The following COBL variants were observed in gnomAD, a reference collection of about 807,000 sequenced individuals.
COBL encodes the protein cordon-bleu WH2 repeat protein, also known as protein cordon-bleu.
In COBL, 51 loss-of-function variants were observed where a neutral mutation model predicts 98.8. The ratio of observed to expected loss-of-function variants is 0.52; its 90% CI spans 0.41 to 0.65. The LOEUF (loss-of-function observed/expected upper bound fraction) is 0.65. Among genes scored for constraint, COBL ranks in the 30% least tolerant of loss-of-function variants. The pLI is 0.00. For missense variants in COBL, 1,617 were observed against 1,617.5 expected (o/e 1.00, Z 0.01); for synonymous variants, 634 against 651.7 (o/e 0.97, Z 0.41).
At chr7:51,307,559 T>A (rs1337600212) in intron 1 of COBL, among the ~76,000 whole-genome samples, 1 of 152,144 alleles carries the variant, frequency 6.6e-6, no homozygotes, top group Non-Finnish European at 1.5e-5. Flanking sequence ...ATTTTTTGGG[T>A]CCTCCTTTAG....
At chr7:51,241,553 G>A (rs1795795953) in intron 1 of COBL, among the ~76,000 whole-genome samples, 1 of 152,170 alleles carries the variant, frequency 6.6e-6, no homozygotes, top group African/African-American at 2.4e-5. Context: ...TCCTGCTCCA[G>A]AGGAAGAGAA....
At chr7:51,041,984 C>A (rs1217191169) in intron 8 of COBL, among the ~76,000 whole-genome samples, 1 of 152,140 alleles carries the variant, frequency 6.6e-6, no homozygotes, top group African/African-American at 2.4e-5. Context: ...TGGAACAGAA[C>A]AACGTGCACA....
intron 1 of COBL, among the ~76,000 whole-genome samples, chr7:51,291,070 C>A (rs1410338734): frequency 1.3e-5 from 2 of 152,210 alleles, no homozygotes; most frequent in African/African-American, 2.4e-5. Flanking sequence ...GAACGGCTAG[C>A]TGCATGGAGC....
Position 51,083,349 on chromosome 7 carries a change from C to T in COBL, c.1096+1817G>A, listed in dbSNP as rs1793869161. The T allele has an allele frequency of 3.3e-5, 22 of 667,304 alleles. No individual in the cohort carries two copies. In the South Asian group the frequency reaches 4.5e-4, roughly 14 times the overall value. 41.3% of individuals were successfully genotyped at this position (667,304 alleles called of 1,614,324 possible). ...ACACTCAACACCAGATCCAGCCACA[C>T]CTAACACCAGATCCAGTCATATCCA... On this transcript the variant is annotated intron_variant, in intron 7 of 12. Coordinates refer to ENST00000265136, the MANE Select transcript of COBL (RefSeq NM_015198.5).
At chr7:51,272,988 A>C (rs545329442) in intron 1 of COBL, among the ~76,000 whole-genome samples, 11 of 150,218 alleles carry the variant, frequency 7.3e-5, no homozygotes, top group South Asian at 4.2e-4. Flanking sequence ...ACAACAACAA[A>C]AACATCCTTC....
intron 6 of COBL, among the ~76,000 whole-genome samples, chr7:51,128,036 A>T (rs1798389127): frequency 6.6e-6 from 1 of 152,216 alleles, no homozygotes; most frequent in Non-Finnish European, 1.5e-5. Flanking sequence ...TGTGTATATG[A>T]TCTGAAGTAT....
chr7:51,053,403 G>A (rs1046098431), intron 7 of COBL, among the ~76,000 whole-genome samples: 8 of 152,154 alleles, frequency 5.3e-5, no homozygotes, highest in African/African-American at 9.7e-5. Flanking sequence ...GGCTGACCCC[G>A]TTCAAATGGG....
chr7:51,242,301 C>T (rs1795861893), intron 1 of COBL, among the ~76,000 whole-genome samples: 1 of 152,214 alleles, frequency 6.6e-6, no homozygotes, highest in Non-Finnish European at 1.5e-5. Context: ...ATTTAAACCC[C>T]AGAAAATTCT....
At chr7:51,269,024 C>A (rs1798501265) in intron 1 of COBL, among the ~76,000 whole-genome samples, 1 of 151,902 alleles carries the variant, frequency 6.6e-6, no homozygotes, top group African/African-American at 2.4e-5. Context: ...GAGTGCACCC[C>A]AGGGAAGCGA....
chr7:51,116,939 T>A (rs993660360), intron 6 of COBL, among the ~76,000 whole-genome samples: 1 of 152,100 alleles, frequency 6.6e-6, no homozygotes, highest in African/African-American at 2.4e-5. Context: ...TTTATATATA[T>A]ATTTTTAATA....
intron 7 of COBL, among the ~76,000 whole-genome samples, chr7:51,054,707 C>T (rs1790565833): frequency 6.6e-6 from 1 of 152,170 alleles, no homozygotes; most frequent in Middle Eastern, 3.2e-3. Context: ...CTCTCCCTCA[C>T]GCTTCTGTTT....
At chr7:51,239,036 G>A (rs1330386554) in intron 1 of COBL, among the ~76,000 whole-genome samples, 1 of 152,076 alleles carries the variant, frequency 6.6e-6, no homozygotes, top group African/African-American at 2.4e-5. Context: ...TAAAAATAAG[G>A]GTAATAAATA....
chr7:51,059,664 G>A (rs896349387), intron 7 of COBL, among the ~76,000 whole-genome samples: 1 of 151,774 alleles, frequency 6.6e-6, no homozygotes, highest in Non-Finnish European at 1.5e-5. Flanking sequence ...GGGAGGGTGA[G>A]GGCTGGCCCT....
At chr7:51,146,082 A>C (rs1414346658) in intron 5 of COBL, among the ~76,000 whole-genome samples, 2 of 152,164 alleles carry the variant, frequency 1.3e-5, no homozygotes, top group African/African-American at 4.8e-5. Flanking sequence ...ACTGGCCCCA[A>C]GCCCCATGAT....
intron 8 of COBL, chr7:51,031,933 C>T (rs1346323276): frequency 6.6e-6 from 1 of 152,294 alleles, no homozygotes; most frequent in African/African-American, 2.4e-5. Context: ...CAAGGGCCTC[C>T]TCTCAGACTT....
At chr7:51,136,982 C>A (rs1362537023) in intron 5 of COBL, among the ~76,000 whole-genome samples, 1 of 152,232 alleles carries the variant, frequency 6.6e-6, no homozygotes, top group African/African-American at 2.4e-5. Context: ...GAGCAGGCTA[C>A]AGGACACACA....
chr7:51,157,602 T>C (rs1302984837), intron 5 of COBL, among the ~76,000 whole-genome samples: 1 of 152,202 alleles, frequency 6.6e-6, no homozygotes, highest in Non-Finnish European at 1.5e-5. Context: ...CTCTGCTCTC[T>C]TCTCCCTTTT....
At chr7:51,059,601 G>A (rs945018887) in intron 7 of COBL, among the ~76,000 whole-genome samples, 2 of 132,644 alleles carry the variant, frequency 1.5e-5, no homozygotes, top group Non-Finnish European at 3.1e-5. Context: ...GGAGTCCCAG[G>A]AAGCCTTGGG....
intron 1 of COBL, among the ~76,000 whole-genome samples, chr7:51,289,292 G>A (rs906321517): frequency 1.3e-5 from 2 of 151,918 alleles, no homozygotes; most frequent in African/African-American, 4.8e-5. Flanking sequence ...TGTTCTCATT[G>A]TCTGCTCTCC....
Sources: gnomAD v4.1 joint callset for allele counts (sites outside exome capture counted in the v4.1 genomes callset) on GRCh38, gnomAD v4.1.1 for gene constraint, MANE v1.5 for transcripts, NCBI Gene and HGNC (gene_info 2026-07-23, HGNC 2026-07-21) for gene names.